The following TSPAN15 variants were observed in gnomAD, a reference collection of about 807,000 sequenced individuals.
TSPAN15 encodes tetraspanin 15.
Under a neutral mutation model 34.5 loss-of-function variants are expected in TSPAN15, and 20 were observed. The ratio of observed to expected loss-of-function variants is 0.58; its 90% CI spans 0.41 to 0.84. The LOEUF (loss-of-function observed/expected upper bound fraction) is 0.84. Ranked by LOEUF, TSPAN15 falls within the 40% of genes least tolerant of loss-of-function variation. The pLI, the probability that TSPAN15 is intolerant of heterozygous loss-of-function variation, is 0.00. For synonymous variants in TSPAN15, 155 were observed against 153.9 expected, an observed-to-expected ratio of 1.01 and a Z score of -0.05; for missense variants, 313 against 386.1, an observed-to-expected ratio of 0.81 and a Z score of 1.59.
chr10:69,539,188 G>A, the TSPAN15 span, among the ~76,000 whole-genome samples: 1 of 152,004 alleles, frequency 6.6e-6, no homozygotes, highest in Admixed American at 6.6e-5. Flanking sequence ...GTATAGGTGG[G>A]AGATAAGCTA....
At chr10:69,488,718 G>A (rs1429428826) in intron 3 of TSPAN15, among the ~76,000 whole-genome samples, 1 of 152,072 alleles carries the variant, frequency 6.6e-6, no homozygotes, top group Non-Finnish European at 1.5e-5. Context: ...AAGGGGAGGG[G>A]GTGCAAGAAC....
chr10:69,507,651 GTTTTTTTTTTT>G, exon 8 of TSPAN15: 4 of 1,007,626 alleles, frequency 4.0e-6, no homozygotes, highest in African/African-American at 1.9e-5. Context: ...ATAAAAACAT[GTTTTTTTTTTT>G]TTTTTTTTTT....
intron 1 of TSPAN15, among the ~76,000 whole-genome samples, chr10:69,461,123 G>A (rs1193431646): frequency 6.6e-6 from 1 of 152,120 alleles, no homozygotes; most frequent in African/African-American, 2.4e-5. Flanking sequence ...TCTGCCACGT[G>A]TCTCACCACA....
chr10:69,457,085 C>T (rs1036607917), intron 1 of TSPAN15, among the ~76,000 whole-genome samples: 1 of 152,216 alleles, frequency 6.6e-6, no homozygotes, highest in Non-Finnish European at 1.5e-5. Flanking sequence ...CATGCGCCCT[C>T]AGCCCATTGG....
Position 69,506,276 on chromosome 10 carries a change from G to A in TSPAN15, c.735+36G>A, listed in dbSNP as rs1194834223. On this transcript the variant is annotated intron_variant, in intron 7 of 7. Coordinates refer to ENST00000373290, the MANE Select transcript of TSPAN15 (RefSeq NM_012339.5). This position sits in a 1 kb window ranked among gnomAD's most constrained non-coding sequence, Gnocchi z 4.7. ...CGTGGGTTCAGAGAAAGTGTGACTTGGTGATTGCAGAAGGGCAGAGAAGGT... is the reference window on the plus strand; with the variant it reads ...CGTGGGTTCAGAGAAAGTGTGACTTAGTGATTGCAGAAGGGCAGAGAAGGT... The A allele has an allele frequency of 6.3e-7, 1 of 1,593,200 alleles. No individual in the cohort carries two copies. The highest frequency in any genetic ancestry group is 1.1e-5 in the South Asian group (1 of 90,540).
chr10:69,488,168 C>T (rs1049663377), intron 3 of TSPAN15, among the ~76,000 whole-genome samples: 1 of 152,068 alleles, frequency 6.6e-6, no homozygotes, highest in Non-Finnish European at 1.5e-5. Context: ...TTCCTTGGCT[C>T]TCAATTTTTT....
chr10:69,528,589 T>C, the TSPAN15 span, among the ~76,000 whole-genome samples: 14 of 148,706 alleles, frequency 9.4e-5, 2 homozygotes, highest in African/African-American at 3.2e-4. Flanking sequence ...TCAGTGGCTT[T>C]CAAGTTCTTG....
At chr10:69,537,249 G>C in the TSPAN15 span, among the ~76,000 whole-genome samples, 3 of 152,158 alleles carry the variant, frequency 2.0e-5, no homozygotes, top group African/African-American at 7.2e-5. Context: ...CTGGGAGCTG[G>C]GCTGCAGCAC....
intron 1 of TSPAN15, among the ~76,000 whole-genome samples, chr10:69,453,237 A>G (rs1331548892): frequency 6.6e-6 from 1 of 152,168 alleles, no homozygotes; most frequent in African/African-American, 2.4e-5. Context: ...GATTTGAGCT[A>G]TAAATCAGCG....
At chr10:69,529,535 TC>T in the TSPAN15 span, among the ~76,000 whole-genome samples, 3 of 147,906 alleles carry the variant, frequency 2.0e-5, no homozygotes, top group African/African-American at 4.9e-5. Context: ...TTCTGTAACT[TC>T]CCTCCTTATA....
At chr10:69,533,520 G>C in the TSPAN15 span, among the ~76,000 whole-genome samples, 1 of 152,158 alleles carries the variant, frequency 6.6e-6, no homozygotes. Context: ...TGCGGGGAAG[G>C]GGGAGAGTGG....
the TSPAN15 span, among the ~76,000 whole-genome samples, chr10:69,543,889 GTGTGTGTGTGTGT>G: frequency 6.9e-6 from 1 of 144,882 alleles, no homozygotes; most frequent in African/African-American, 2.6e-5. Flanking sequence ...GTGTGTGTGT[GTGTGTGTGTGTGT>G]AGGGAGGCTC....
downstream of TSPAN15, among the ~76,000 whole-genome samples, chr10:69,508,863 C>T (rs1488964269): frequency 6.6e-6 from 1 of 152,212 alleles, no homozygotes; most frequent in African/African-American, 2.4e-5. Flanking sequence ...TCTCTGTTGC[C>T]TCCTGTGCAC....
At chr10:69,543,155 G>A in the TSPAN15 span, among the ~76,000 whole-genome samples, 3 of 152,314 alleles carry the variant, frequency 2.0e-5, no homozygotes, top group South Asian at 2.1e-4. Context: ...TAGAAACCCC[G>A]AGAGCCAGAA....
intron 1 of TSPAN15, among the ~76,000 whole-genome samples, chr10:69,467,210 G>A (rs1051540708): frequency 1.3e-5 from 2 of 152,134 alleles, no homozygotes; most frequent in African/African-American, 4.8e-5. Flanking sequence ...AAAGCCCTCG[G>A]CACCCTGTTT....
chr10:69,531,198 G>A, the TSPAN15 span, among the ~76,000 whole-genome samples: 9 of 147,354 alleles, frequency 6.1e-5, 1 homozygote, highest in African/African-American at 2.2e-4. Context: ...CAACAGAAGA[G>A]ACTGATGTAG....
At chr10:69,513,791 T>A in the TSPAN15 span, among the ~76,000 whole-genome samples, 99 of 152,384 alleles carry the variant, frequency 6.5e-4, no homozygotes, top group Non-Finnish European at 9.8e-4. Context: ...TAATCTGTTT[T>A]GTACATGCAT....
chr10:69,540,685 T>C, the TSPAN15 span, among the ~76,000 whole-genome samples: 3 of 152,132 alleles, frequency 2.0e-5, no homozygotes, highest in African/African-American at 7.2e-5. Context: ...TACCCCAACA[T>C]GCTTGCATGC....
At chr10:69,479,372 C>T (rs1841683401) in intron 1 of TSPAN15, among the ~76,000 whole-genome samples, 1 of 152,248 alleles carries the variant, frequency 6.6e-6, no homozygotes, top group African/African-American at 2.4e-5. Flanking sequence ...TGCAGAGGAC[C>T]TTCAGGTCTG....
Sources: gnomAD v4.1 joint callset for allele counts (sites outside exome capture counted in the v4.1 genomes callset) on GRCh38, gnomAD v4.1.1 for gene constraint, Gnocchi (gnomAD v3.1) non-coding constraint, MANE v1.5 for transcripts, NCBI Gene and HGNC (gene_info 2026-07-23, HGNC 2026-07-21) for gene names.